RNF123: variants seen among roughly 807,000 people sequenced by gnomAD.
RNF123 encodes the protein E3 ubiquitin-protein ligase RNF123.
Under a neutral mutation model 168.5 loss-of-function variants are expected in RNF123, and 86 were observed. The observed-to-expected ratio is 0.51, with a 90% CI of 0.43 to 0.61. RNF123 has a LOEUF of 0.61. RNF123 is among the 20% of genes least tolerant of loss of function. RNF123 has a pLI of 0.00. For synonymous variants in RNF123, 666 were observed against 689.1 expected, an observed-to-expected ratio of 0.97 and a Z score of 0.52; for missense variants, 1,419 against 1,729.7, an observed-to-expected ratio of 0.82 and a Z score of 3.19.
chr3:49,699,368 C>A lies in RNF123; in HGVS notation c.765-100C>A. 1 of 1,116,732 alleles carries A rather than the reference C, an allele frequency of 9.0e-7. No individual in the cohort carries two copies. The highest frequency in any genetic ancestry group is 1.3e-6 in the Non-Finnish European group (1 of 769,958). 69.2% of individuals were successfully genotyped at this position (1,116,732 alleles called of 1,614,324 possible). On this transcript the variant is annotated intron_variant, in intron 10 of 38. Transcript: ENST00000327697. This position sits in a 1 kb window ranked among gnomAD's most constrained non-coding sequence, Gnocchi z 4.8. ...TGGGCAAGTTGTGATGCAAACCAGC[C>A]CTGCCCTAGAGCCCAGGCCCCGGGG...
Position 49,705,982 on chromosome 3 carries a change from A to G in RNF123, c.2305A>G (p.Met769Val). ...GGACATGTGGTCCCATGCTGTGTAG[A>G]TGGTGGGTGTCTCCGATGATGTCAA... ...NLSVHQQLGK[M>V]VGVSDDVNEY... The change falls in exon 25 of 39, where the codon ATG becomes GTG. Residue 769 changes from methionine (M) to valine (V), a missense_variant and splice_region_variant. Coordinates refer to ENST00000327697, the MANE Select transcript of RNF123 (RefSeq NM_022064.5). The G allele has an allele frequency of 6.2e-7, 1 of 1,613,868 alleles. No homozygotes were observed. Among genetic ancestry groups the G allele is most frequent in the South Asian group, 1.1e-5 (1 of 91,076 alleles).
chr3:49,718,093 T>G, intron 35 of RNF123: 2 of 1,613,580 alleles, frequency 1.2e-6, no homozygotes, highest in Non-Finnish European at 1.7e-6. Flanking sequence ...CCGGCCTGGC[T>G]CCAGAAAGAC....
At chr3:49,719,497 C>A in intron 35 of RNF123, 1 of 1,558,166 alleles carries the variant, frequency 6.4e-7, no homozygotes. Flanking sequence ...TACAGAGCAG[C>A]TCTGTGCAGG....
rs2080188796 is a variant in RNF123 at position 49,713,778 on chromosome 3, G to A, written c.2790G>A (p.Val930=). ...TGATGCAGGCCCTGGCCAGCTACGT[G>A]TGCTACCCACACTCCCTGCGGGCTG... is the stretch of plus-strand genomic sequence containing the variant. ...DSLMQALASY[V]CYPHSLRAVE... Residue 930 remains valine (V), a synonymous_variant, in exon 29 of 39, where the codon GTG becomes GTA. Transcript: ENST00000327697. 1 of 1,611,490 alleles carries A rather than the reference G, an allele frequency of 6.2e-7. No homozygotes were observed. Among genetic ancestry groups the A allele is most frequent in the South Asian group, 1.1e-5 (1 of 90,648 alleles).
At chr3:49,697,825 C>T (rs867574832) in intron 5 of RNF123, 60 bp from the exon 6 acceptor site, 3 of 1,604,826 alleles carry the variant, frequency 1.9e-6, no homozygotes, top group African/African-American at 2.7e-5. Context: ...GGGTCTTTTT[C>T]CCTTGGGGAG....
chr3:49,718,393 C>T (rs772464782), intron 35 of RNF123: 4 of 1,613,196 alleles, frequency 2.5e-6, no homozygotes, highest in Middle Eastern at 3.3e-4. Context: ...GTGGTGCAGG[C>T]GGGGCCCAGT....
intron 1 of RNF123, among the ~76,000 whole-genome samples, chr3:49,690,296 G>A (rs2054117802): frequency 6.6e-6 from 1 of 152,218 alleles, no homozygotes; most frequent in Non-Finnish European, 1.5e-5. Context: ...GCCACATGTG[G>A]TCATTGAACT....
Position 49,715,723 on chromosome 3 carries a change from T to G in RNF123, c.3150+9T>G, listed in dbSNP as rs374283247. On this transcript the variant is annotated intron_variant, in intron 32 of 38. Coordinates refer to ENST00000327697, the MANE Select transcript of RNF123 (RefSeq NM_022064.5). The stretch of plus-strand genomic sequence containing the variant: ...TTGGCATGATCCAAGAGGTGGGCTG[T>G]GGTGGGGCCTCGTGGGTTAGGGTGG... 1.5e-5 allele frequency: 24 copies of G among 1,614,078 alleles called. No individual in the cohort carries two copies. Among genetic ancestry groups the G allele is most frequent in the Non-Finnish European group, 2.0e-5 (24 of 1,180,048 alleles).
intron 3 of RNF123, among the ~76,000 whole-genome samples, chr3:49,692,330 T>C (rs1287987769): frequency 1.3e-5 from 2 of 152,246 alleles, no homozygotes; most frequent in African/African-American, 4.8e-5. Context: ...TCTTTCTTTG[T>C]GTTACATTTT....
intron 26 of RNF123, 84 bp downstream of exon 26, chr3:49,706,982 C>A: frequency 9.2e-7 from 1 of 1,090,306 alleles, no homozygotes; most frequent in Non-Finnish European, 1.4e-6. Flanking sequence ...CCTTGATGCC[C>A]CCACCCTCTC....
chr3:49,713,840 G>A lies in RNF123; in HGVS notation c.2837+15G>A. On this transcript the variant is annotated intron_variant, in intron 29 of 38. Transcript: ENST00000327697. ...CCCGAGGAGCAGTGAGTGGGGCCTG[G>A]GGGGCACACACCCTGGCCACAAGCA... The A allele has an allele frequency of 6.2e-7, 1 of 1,613,194 alleles. No homozygotes were observed. Among genetic ancestry groups the A allele is most frequent in the Non-Finnish European group, 8.5e-7 (1 of 1,179,820 alleles).
chr3:49,698,548 G>A (rs1408640410), intron 8 of RNF123, 22 bp downstream of exon 8: 1 of 1,611,868 alleles, frequency 6.2e-7, no homozygotes, highest in Non-Finnish European at 8.5e-7. Context: ...GCCCCTGTGG[G>A]TCATCCGCCC....
intron 34 of RNF123, 81 bp from the exon 35 acceptor site, chr3:49,716,312 T>C: frequency 6.4e-7 from 1 of 1,551,042 alleles, no homozygotes; most frequent in South Asian, 1.1e-5. Flanking sequence ...CACCCTTCTG[T>C]AGAGAGGGCA....
chr3:49,698,270 C>T lies in RNF123; in HGVS notation c.483+133C>T, dbSNP rs550586814. 6.0e-5 allele frequency: 57 copies of T among 944,186 alleles called. No individual in the cohort carries two copies. The African/African-American group carries it at 7.2e-4, about 12-fold the overall frequency. 58.5% of individuals were successfully genotyped at this position (944,186 alleles called of 1,614,324 possible). A position where few individuals can be genotyped will look rare whatever the true frequency, so the allele number is the denominator to read the frequency against. ...CCTGGACTGCCCTCTGGAGAAGAAA[C>T]GTGTCCCACCCAATCCCAGGCACCC... On this transcript the variant is annotated intron_variant, in intron 7 of 38. Transcript: ENST00000327697.
intron 26 of RNF123, among the ~76,000 whole-genome samples, chr3:49,711,016 T>C (rs551084062): frequency 7.4e-4 from 113 of 152,296 alleles, no homozygotes; most frequent in Non-Finnish European, 1.3e-3. Context: ...GAGGATCACT[T>C]GAAGCCAAGA....
At chr3:49,718,269 C>T in intron 35 of RNF123, 1 of 1,612,752 alleles carries the variant, frequency 6.2e-7, no homozygotes, top group Non-Finnish European at 8.5e-7. Flanking sequence ...ACAGGTAGAG[C>T]AGCACGAGCA....
At chr3:49,716,583 C>T in intron 35 of RNF123, 106 bp downstream of exon 35, 1 of 987,402 alleles carries the variant, frequency 1.0e-6, no homozygotes, top group East Asian at 2.4e-5. Context: ...GAAAATGGAC[C>T]TCAGCATCAG....
chr3:49,699,132 G>A lies in RNF123; in HGVS notation c.764+27G>A, dbSNP rs6785549. 0.53 allele frequency: 855,580 copies of A among 1,607,254 alleles called. 233,231 individuals are homozygous for A. The highest frequency in any genetic ancestry group is 0.8 in the East Asian group (35,816 of 44,838). ...TATCATTTTGTGAAGATGGCTGTGG[G>A]CTGCTCAGAAGCTCTTGGGGAGGCT... On this transcript the variant is annotated intron_variant, in intron 10 of 38. Transcript: ENST00000327697. This position sits in a 1 kb window ranked among gnomAD's most constrained non-coding sequence, Gnocchi z 4.8.
At chr3:49,719,065 G>C (rs767589734) in intron 35 of RNF123, 1 of 1,613,778 alleles carries the variant, frequency 6.2e-7, no homozygotes, top group Non-Finnish European at 8.5e-7. Flanking sequence ...CTTCTCCAGC[G>C]CCCCCAGCCC....
Sources: gnomAD v4.1 joint callset for allele counts (sites outside exome capture counted in the v4.1 genomes callset) on GRCh38, gnomAD v4.1.1 for gene constraint, Gnocchi (gnomAD v3.1) non-coding constraint, MANE v1.5 for transcripts, NCBI Gene and HGNC (gene_info 2026-07-23, HGNC 2026-07-21) for gene names.